The following TSPAN14 variants were observed in gnomAD, a reference collection of about 807,000 sequenced individuals.
The protein encoded by TSPAN14 is tetraspanin-14.
In TSPAN14, 16 loss-of-function variants were observed where a neutral mutation model predicts 36.6. The ratio of observed to expected loss-of-function variants is 0.44; its 90% CI spans 0.30 to 0.66. The LOEUF (loss-of-function observed/expected upper bound fraction) is 0.66, where lower values mean the gene tolerates loss of function less well. Among genes scored for constraint, TSPAN14 ranks in the 30% least tolerant of loss-of-function variants. TSPAN14 has a pLI of 0.12. For synonymous variants in TSPAN14, 139 were observed against 143.8 expected, an observed-to-expected ratio of 0.97 and a Z score of 0.24; for missense variants, 231 against 355.1, an observed-to-expected ratio of 0.65 and a Z score of 2.81.
intron 2 of TSPAN14, among the ~76,000 whole-genome samples, chr10:80,497,365 A>G (rs981323689): frequency 9.2e-5 from 14 of 152,168 alleles, no homozygotes; most frequent in African/African-American, 3.4e-4. Context: ...TATGGCTTGC[A>G]GGCCAAACCT....
intron 6 of TSPAN14, among the ~76,000 whole-genome samples, chr10:80,513,279 G>C (rs1276871195): frequency 6.6e-6 from 1 of 152,002 alleles, no homozygotes; most frequent in Admixed American, 6.6e-5. Context: ...GGGGTGAACT[G>C]TGAAGGAGCT....
intron 1 of TSPAN14, among the ~76,000 whole-genome samples, chr10:80,465,391 G>T (rs1846186389): frequency 6.6e-6 from 1 of 152,210 alleles, no homozygotes. Flanking sequence ...ATTTTCCTTT[G>T]TTCTGCCATC....
intron 6 of TSPAN14, among the ~76,000 whole-genome samples, chr10:80,513,042 G>T (rs1055308873): frequency 9.2e-5 from 14 of 152,226 alleles, no homozygotes; most frequent in Admixed American, 5.9e-4. Flanking sequence ...GGGACCACAG[G>T]CTTGAGCACC....
At chr10:80,511,658 C>T (rs1363752637) in intron 5 of TSPAN14, among the ~76,000 whole-genome samples, 1 of 150,484 alleles carries the variant, frequency 6.6e-6, no homozygotes, top group Non-Finnish European at 1.5e-5. Flanking sequence ...GAGATACCTT[C>T]ACTGCCATTT....
At chr10:80,460,739 C>G (rs931964309) in intron 1 of TSPAN14, among the ~76,000 whole-genome samples, 1 of 152,180 alleles carries the variant, frequency 6.6e-6, no homozygotes, top group Non-Finnish European at 1.5e-5. Flanking sequence ...CCCCTCTGCA[C>G]CCAGGAAATC....
At chr10:80,478,487 TG>T (rs1847050416) in intron 1 of TSPAN14, among the ~76,000 whole-genome samples, 2 of 152,176 alleles carry the variant, frequency 1.3e-5, no homozygotes, top group Admixed American at 6.5e-5. Context: ...AGCTTCTCTA[TG>T]GAGGGGCCTG....
At chr10:80,492,771 G>A (rs1023290147) in intron 2 of TSPAN14, among the ~76,000 whole-genome samples, 5 of 151,978 alleles carry the variant, frequency 3.3e-5, no homozygotes, top group Middle Eastern at 3.4e-3. Flanking sequence ...AGCCAAGATC[G>A]CGCCACTGCA....
chr10:80,514,194 A>T, intron 7 of TSPAN14, 131 bp downstream of exon 7: 1 of 787,424 alleles, frequency 1.3e-6, no homozygotes, highest in Non-Finnish European at 2.2e-6. Context: ...ATGCCACCTA[A>T]GCTGAGCATA....
chr10:80,487,368 G>A (rs546423231), intron 1 of TSPAN14, among the ~76,000 whole-genome samples: 9 of 152,216 alleles, frequency 5.9e-5, no homozygotes, highest in African/African-American at 1.9e-4. Context: ...AGGCTCCAAC[G>A]CAGACCTTCT....
chr10:80,498,703 T>A (rs1683213512), intron 2 of TSPAN14, among the ~76,000 whole-genome samples: 1 of 152,232 alleles, frequency 6.6e-6, no homozygotes, highest in Admixed American at 6.5e-5. Flanking sequence ...CTGCTCTGTC[T>A]GCCGTGCGGG....
At position 80,508,793 on chromosome 10, in the gene TSPAN14, C is replaced by G. The variant is rs115270498; in HGVS notation, c.280-508C>G. On this transcript the variant is annotated intron_variant, in intron 4 of 8. Coordinates refer to ENST00000429989, the Ensembl canonical transcript of TSPAN14. Reference sequence around the variant, plus strand: ...TGACATAGCCATAGTTTCCTCATCCCTAAAGTGAGGTAACAGATACGTAGG... The same window carrying G: ...TGACATAGCCATAGTTTCCTCATCCGTAAAGTGAGGTAACAGATACGTAGG... 1.9e-3 allele frequency among the ~76,000 whole-genome samples: 286 copies of G among 152,308 alleles called. 1 individual carries two copies. Among genetic ancestry groups the G allele is most frequent in the African/African-American group, 6.7e-3 (278 of 41,570 alleles).
chr10:80,475,372 C>T (rs1846799383), intron 1 of TSPAN14, among the ~76,000 whole-genome samples: 1 of 152,100 alleles, frequency 6.6e-6, no homozygotes, highest in Non-Finnish European at 1.5e-5. Flanking sequence ...TTGAGATTAG[C>T]CTGGGCAACA....
At chr10:80,500,923 C>T (rs1848476267) in intron 2 of TSPAN14, among the ~76,000 whole-genome samples, 1 of 152,214 alleles carries the variant, frequency 6.6e-6, no homozygotes, top group Non-Finnish European at 1.5e-5. Flanking sequence ...ATATGAACTG[C>T]TCTTGAGGTC....
intron 1 of TSPAN14, among the ~76,000 whole-genome samples, chr10:80,475,110 CA>C (rs1280898220): frequency 6.6e-6 from 1 of 152,150 alleles, no homozygotes; most frequent in African/African-American, 2.4e-5. Flanking sequence ...TGGGAGGAGC[CA>C]AGGGCCTGAC....
intron 1 of TSPAN14, among the ~76,000 whole-genome samples, chr10:80,465,832 TCTAA>T (rs1047695053): frequency 1.3e-5 from 2 of 152,228 alleles, no homozygotes; most frequent in Non-Finnish European, 2.9e-5. Flanking sequence ...AGGACCTTTC[TCTAA>T]CTGAGGGGAA....
intron 1 of TSPAN14, among the ~76,000 whole-genome samples, chr10:80,477,915 A>T (rs970513413): frequency 6.6e-6 from 1 of 152,212 alleles, no homozygotes; most frequent in African/African-American, 2.4e-5. Flanking sequence ...TGGGAAAAAA[A>T]TACAAATGAT....
At chr10:80,503,424 G>C (rs1275865616) in intron 2 of TSPAN14, among the ~76,000 whole-genome samples, 1 of 152,132 alleles carries the variant, frequency 6.6e-6, no homozygotes, top group Non-Finnish European at 1.5e-5. Flanking sequence ...TGAATGAACT[G>C]AGACTTGTGA....
At chr10:80,498,679 C>T (rs189334485) in intron 2 of TSPAN14, among the ~76,000 whole-genome samples, 16 of 152,192 alleles carry the variant, frequency 1.1e-4, no homozygotes, top group African/African-American at 1.9e-4. Context: ...TATCCTTGAA[C>T]GCCCCTCACA....
intron 2 of TSPAN14, 130 bp from the exon 3 acceptor site, chr10:80,504,598 C>T: frequency 9.9e-7 from 1 of 1,014,084 alleles, no homozygotes; most frequent in Non-Finnish European, 1.5e-6. Context: ...ATCTGCGGGG[C>T]CTGAGGGGCC....
Sources: allele counts gnomAD v4.1 joint callset (sites outside exome capture counted in the v4.1 genomes callset), GRCh38; gene constraint gnomAD v4.1.1; transcripts MANE v1.5; gene names NCBI Gene and HGNC (gene_info 2026-07-23, HGNC 2026-07-21).